NDUFS7: variants seen among roughly 807,000 people sequenced by gnomAD.
The protein encoded by NDUFS7 is NADH:ubiquinone oxidoreductase core subunit S7.
In NDUFS7, 11 loss-of-function variants were observed where a neutral mutation model predicts 31.1. The ratio of observed to expected loss-of-function variants is 0.35; its 90% CI spans 0.22 to 0.59. The LOEUF (loss-of-function observed/expected upper bound fraction) is 0.59, where lower values mean the gene tolerates loss of function less well. NDUFS7 is among the 20% of genes least tolerant of loss of function. The pLI, the probability that NDUFS7 is intolerant of heterozygous loss-of-function variation, is 0.79. For missense variants in NDUFS7, 263 were observed against 324.2 expected (o/e 0.81, Z 1.45); for synonymous variants, 136 against 127.9 (o/e 1.06, Z -0.43).
In NDUFS7 at chr19:1,391,175, G is replaced by A. The variant is rs1426822020; in HGVS notation, c.455+10G>A. The A allele has an allele frequency of 1.2e-6, 2 of 1,610,994 alleles. No individual in the cohort carries two copies. The highest frequency in any genetic ancestry group is 2.7e-5 in the African/African-American group (2 of 74,656). On this transcript the variant is annotated intron_variant, in intron 6 of 7. Transcript: ENST00000233627. ...TGGTCTCCATGGGGAGGTGAGTGCA[G>A]GGCGGGGGGTCTCCAGGGACAGACG... is the stretch of plus-strand genomic sequence containing the variant.
chr19:1,389,688 C>A, intron 4 of NDUFS7: 1 of 363,342 alleles, frequency 2.8e-6, no homozygotes, highest in Admixed American at 3.5e-5. Context: ...GCAGCCCCTG[C>A]CATCCCCCTG....
In NDUFS7 at chr19:1,393,510, C is replaced by A; in HGVS notation, c.544+180C>A. 1.4e-6 allele frequency: 1 copy of A among 692,712 alleles called. No homozygotes were observed. The highest frequency in any genetic ancestry group is 2.6e-6 in the Non-Finnish European group (1 of 379,750). The allele number at this position is 692,712 out of a possible 1,614,324, so 42.9% of individuals were successfully genotyped here. ...GAGCCTGTCCCCTGTGAGAAGTCGG[C>A]GATGTATTCAGGCATCAGAGGGATC... On this transcript the variant is annotated intron_variant, in intron 7 of 7. Coordinates refer to ENST00000233627, the MANE Select transcript of NDUFS7 (RefSeq NM_024407.5). This position sits in a 1 kb window ranked among gnomAD's most constrained non-coding sequence, Gnocchi z 7.3.
At chr19:1,388,317 A>C (rs1284987833) in intron 2 of NDUFS7, 4 of 623,410 alleles carry the variant, frequency 6.4e-6, no homozygotes, top group Non-Finnish European at 1.2e-5. Context: ...ACGTCACAAA[A>C]GAAGTTCCAT....
rs104894705 is a variant in NDUFS7, at chr19:1,391,006, G to T, written c.364G>T (p.Val122Leu). 4 of 1,613,330 alleles carry T rather than the reference G, an allele frequency of 2.5e-6. No homozygotes were observed. The highest frequency in any genetic ancestry group is 1.3e-5 in the African/African-American group (1 of 75,054). Residue 122 changes from valine (V) to leucine (L), a missense_variant, in exon 5 of 8, where the codon GTG (valine) becomes TTG (leucine). Coordinates refer to ENST00000233627, the MANE Select transcript of NDUFS7 (RefSeq NM_024407.5). ...CCCGCGCCAGTCCGACGTCATGATC[G>T]TGGCCGGCACACTCACCAACAAGAT... The part of the protein sequence containing the change: ...ASPRQSDVMI[V>L]AGTLTNKMAP...
intron 6 of NDUFS7, 125 bp downstream of exon 6, chr19:1,391,290 C>G (rs773522313): frequency 9.6e-6 from 12 of 1,255,604 alleles, no homozygotes; most frequent in Admixed American, 8.0e-5. Flanking sequence ...CCCGGCGCTG[C>G]CCTTCAGCCG....
At chr19:1,385,237 A>G (rs948992777) in intron 1 of NDUFS7, among the ~76,000 whole-genome samples, 7 of 152,194 alleles carry the variant, frequency 4.6e-5, no homozygotes, top group South Asian at 2.1e-4. Flanking sequence ...TGCCTGGCCC[A>G]CGCGCGGTGG....
intron 3 of NDUFS7, 111 bp downstream of exon 3, chr19:1,388,704 G>A: frequency 5.6e-6 from 8 of 1,420,284 alleles, no homozygotes; most frequent in Non-Finnish European, 7.8e-6. Context: ...GGCAGGGAGG[G>A]GGTCACACAT....
intron 2 of NDUFS7, 35 bp from the exon 3 acceptor site, chr19:1,388,490 G>A: frequency 6.2e-7 from 1 of 1,602,086 alleles, no homozygotes; most frequent in South Asian, 1.1e-5. Flanking sequence ...GAGGGGCCTG[G>A]GACAGCCACT....
At chr19:1,394,358 C>T in intron 7 of NDUFS7, 1 of 1,288,498 alleles carries the variant, frequency 7.8e-7, no homozygotes. Context: ...GCGTCTTCCC[C>T]TGCAGTGCAG....
chr19:1,392,954 C>G, intron 6 of NDUFS7: 1 of 512,238 alleles, frequency 2.0e-6, no homozygotes, highest in Non-Finnish European at 3.6e-6. Flanking sequence ...TTTTTGTTGA[C>G]ACATGTGATC....
At chr19:1,389,160 TGCACACTTGC>T in intron 4 of NDUFS7, 1 of 698,006 alleles carries the variant, frequency 1.4e-6, no homozygotes, top group East Asian at 2.7e-5. Context: ...CTCGCACACA[TGCACACTTGC>T]ACACACATGC....
intron 2 of NDUFS7, 53 bp downstream of exon 2, chr19:1,387,900 G>GACGA: frequency 1.6e-6 from 1 of 622,806 alleles, no homozygotes; most frequent in Non-Finnish European, 2.7e-6. Flanking sequence ...AGCAGCGACA[G>GACGA]ACGAACGGGG....
At chr19:1,386,155 A>G (rs569741244) in intron 1 of NDUFS7, among the ~76,000 whole-genome samples, 1 of 152,310 alleles carries the variant, frequency 6.6e-6, no homozygotes, top group African/African-American at 2.4e-5. Flanking sequence ...AGAAGGCCCC[A>G]TGGATCGCTG....
rs535971674 is a variant in NDUFS7 at position 1,389,264 on chromosome 19, CAT to C, written c.228+327_228+328del. ...ATGCACACTCATGCGCACATATACACATGCACACGCACACTCGCACACACGTG... is the reference window on the plus strand; with the variant it reads ...ATGCACACTCATGCGCACATATACACGCACACGCACACTCGCACACACGTG... On this transcript the variant is annotated intron_variant, in intron 4 of 7. Transcript: ENST00000233627. 296 of 630,546 alleles carry C rather than the reference CAT, an allele frequency of 4.7e-4. 7 individuals carry two copies. The highest frequency in any genetic ancestry group is 4.4e-3 in the South Asian group (291 of 65,874). The allele number at this position is 630,546 out of a possible 1,614,324, so 39.1% of individuals were successfully genotyped here.
Position 1,394,588 on chromosome 19 carries a change from C to T in NDUFS7, c.545-803C>T, listed in dbSNP as rs1220542371. The T allele has an allele frequency of 3.0e-5, 36 of 1,217,412 alleles. 1 individual carries two copies. Among genetic ancestry groups the T allele is most frequent in the African/African-American group, 8.4e-5 (5 of 59,512 alleles). 75.4% of individuals were successfully genotyped at this position (1,217,412 alleles called of 1,614,324 possible). A position where few individuals can be genotyped will look rare whatever the true frequency, so the allele number is the denominator to read the frequency against. On this transcript the variant is annotated intron_variant, in intron 7 of 7. Coordinates refer to ENST00000233627, the MANE Select transcript of NDUFS7 (RefSeq NM_024407.5). ...CTCCTCCCTCCCTGCGGACCGCGCT[C>T]GGCCCTCCCTGGGGACCGCGCCCCT...
At position 1,388,153 on chromosome 19, in the gene NDUFS7, G is replaced by A. The variant is rs1600146410; in HGVS notation, c.53+306G>A. The A allele has an allele frequency of 8.5e-6, 5 of 590,678 alleles. No homozygotes were observed. In the East Asian group the frequency reaches 1.4e-4, roughly 17 times the overall value. The allele number at this position is 590,678 out of a possible 1,614,324, so 36.6% of individuals were successfully genotyped here. On this transcript the variant is annotated intron_variant, in intron 2 of 7. Coordinates refer to ENST00000233627, the MANE Select transcript of NDUFS7 (RefSeq NM_024407.5). ...CTGAGCCCTGTGCAGATGGCAGCTG[G>A]GGCAGGCCTCCTGCAGACCCAGGTG...
At chr19:1,390,479 G>A (rs747106307) in intron 4 of NDUFS7, 3 of 303,208 alleles carry the variant, frequency 9.9e-6, no homozygotes, top group Non-Finnish European at 1.3e-5. Context: ...TCCTGGAGGC[G>A]TCGCACTTGG....
intron 4 of NDUFS7, chr19:1,389,734 G>A (rs978456481): frequency 3.2e-5 from 11 of 345,294 alleles, no homozygotes; most frequent in African/African-American, 1.7e-4. Context: ...CAGCTCCTGC[G>A]GCACTTGCTG....
intron 1 of NDUFS7, chr19:1,384,234 G>C (rs908485630): frequency 6.3e-6 from 3 of 477,970 alleles, no homozygotes; most frequent in African/African-American, 4.2e-5. Flanking sequence ...ACGTCCCCGA[G>C]ACCAGGGCAC....
Sources: allele counts gnomAD v4.1 joint callset (sites outside exome capture counted in the v4.1 genomes callset), GRCh38; gene constraint gnomAD v4.1.1; non-coding constraint Gnocchi (gnomAD v3.1); transcripts MANE v1.5; gene names NCBI Gene and HGNC (gene_info 2026-07-23, HGNC 2026-07-21).